Variants in NDUFA12 observed in about 807,000 individuals in gnomAD.
NDUFA12 encodes NADH:ubiquinone oxidoreductase subunit A12.
Under a neutral mutation model 20.3 loss-of-function variants are expected in NDUFA12, and 17 were observed. The observed-to-expected ratio is 0.84, with a 90% CI of 0.57 to 1.26. NDUFA12 has a LOEUF of 1.26. Ranked by LOEUF, NDUFA12 falls within the 50% of genes most tolerant of loss-of-function variation. NDUFA12 has a pLI of 0.00. For missense variants in NDUFA12, 191 were observed against 183.7 expected (o/e 1.04, Z -0.23); for synonymous variants, 72 against 63.6 (o/e 1.13, Z -0.63).
chr12:94,988,139 C>T (rs893886884), intron 3 of NDUFA12, among the ~76,000 whole-genome samples: 13 of 152,252 alleles, frequency 8.5e-5, no homozygotes, highest in African/African-American at 3.1e-4. Flanking sequence ...CTTATGAGGG[C>T]TCCACATCAC....
chr12:94,987,208 A>G (rs1874474521), intron 3 of NDUFA12, among the ~76,000 whole-genome samples: 1 of 152,246 alleles, frequency 6.6e-6, no homozygotes, highest in South Asian at 2.1e-4. Context: ...ACAGAAGCAT[A>G]GCCTGAACCT....
At chr12:94,978,829 AT>A (rs1874143352) in intron 3 of NDUFA12, among the ~76,000 whole-genome samples, 1 of 152,210 alleles carries the variant, frequency 6.6e-6, no homozygotes, top group Non-Finnish European at 1.5e-5. Context: ...TAGTATATTA[AT>A]TTTAAATCCA....
chr12:94,988,103 T>C (rs1274187475), intron 3 of NDUFA12, among the ~76,000 whole-genome samples: 1 of 152,210 alleles, frequency 6.6e-6, no homozygotes, highest in Non-Finnish European at 1.5e-5. Flanking sequence ...GTGTTCAACA[T>C]GAACTGCATC....
At chr12:94,973,968 C>CTTTTTTTTTTTTTT in intron 3 of NDUFA12, among the ~76,000 whole-genome samples, 2 of 100,954 alleles carry the variant, frequency 2.0e-5, no homozygotes, top group Non-Finnish European at 4.0e-5. Flanking sequence ...ACTCTTGGGT[C>CTTTTTTTTTTTTTT]TTTTTTTTTT....
intron 3 of NDUFA12, 110 bp downstream of exon 3, chr12:94,994,060 G>A (rs1874738076): frequency 1.0e-6 from 1 of 957,412 alleles, no homozygotes. Flanking sequence ...GGAGGTCAAA[G>A]CTGACATGAG....
At chr12:94,980,184 C>T (rs1199496961) in intron 3 of NDUFA12, among the ~76,000 whole-genome samples, 1 of 152,038 alleles carries the variant, frequency 6.6e-6, no homozygotes, top group Non-Finnish European at 1.5e-5. Flanking sequence ...TTTGTATATT[C>T]AGCTGTTTAC....
intron 3 of NDUFA12, among the ~76,000 whole-genome samples, chr12:94,990,516 G>T (rs1390653783): frequency 6.6e-6 from 1 of 152,106 alleles, no homozygotes; most frequent in Non-Finnish European, 1.5e-5. Context: ...TCAAACCCCT[G>T]GGCTGAAGGG....
At chr12:94,987,372 ATG>A (rs1309397985) in intron 3 of NDUFA12, among the ~76,000 whole-genome samples, 3 of 152,216 alleles carry the variant, frequency 2.0e-5, no homozygotes, top group African/African-American at 7.2e-5. Flanking sequence ...TCCATATGAA[ATG>A]TGTGATTGGA....
At chr12:94,989,273 A>G (rs554498062) in intron 3 of NDUFA12, among the ~76,000 whole-genome samples, 2 of 152,216 alleles carry the variant, frequency 1.3e-5, no homozygotes, top group South Asian at 4.2e-4. Context: ...GCCTTCCCCT[A>G]TGAAAACAAG....
At chr12:94,996,129 G>C (rs1488107526) in intron 2 of NDUFA12, among the ~76,000 whole-genome samples, 1 of 151,602 alleles carries the variant, frequency 6.6e-6, no homozygotes, top group Non-Finnish European at 1.5e-5. Flanking sequence ...GATCACTTGA[G>C]CACGGGAGGC....
At chr12:94,995,844 A>C (rs1874807510) in intron 2 of NDUFA12, among the ~76,000 whole-genome samples, 1 of 152,198 alleles carries the variant, frequency 6.6e-6, no homozygotes, top group Non-Finnish European at 1.5e-5. Flanking sequence ...GGATTGAAGA[A>C]ATAATGGTTC....
chr12:94,989,526 C>T (rs1436307585), intron 3 of NDUFA12, among the ~76,000 whole-genome samples: 3 of 152,166 alleles, frequency 2.0e-5, no homozygotes, highest in African/African-American at 7.2e-5. Flanking sequence ...GAGAAACAAA[C>T]AGCTAAGCTT....
chr12:95,003,371 C>T (rs1368082473), intron 1 of NDUFA12, among the ~76,000 whole-genome samples: 6 of 152,168 alleles, frequency 3.9e-5, no homozygotes, highest in Non-Finnish European at 8.8e-5. Flanking sequence ...GCCCAGATGC[C>T]CTTGCCTCCG....
chr12:95,003,689 G>C lies in NDUFA12; in HGVS notation c.-9C>G, dbSNP rs200208280. 3.5e-5 allele frequency: 56 copies of C among 1,613,938 alleles called. No homozygotes were observed. Among genetic ancestry groups the C allele is most frequent in the East Asian group, 8.9e-5 (4 of 44,858 alleles). ...ACCTGCACTAACTCCATCTTGCCTCGCTGGCCCCGCCTCCCGGGTGCGCCG... is the reference window on the plus strand; with the variant it reads ...ACCTGCACTAACTCCATCTTGCCTCCCTGGCCCCGCCTCCCGGGTGCGCCG... On this transcript the variant is annotated 5_prime_UTR_variant, in exon 1 of 4. Coordinates refer to ENST00000327772, the MANE Select transcript of NDUFA12 (RefSeq NM_018838.5).
intron 1 of NDUFA12, 122 bp downstream of exon 1, chr12:95,003,473 G>T: frequency 9.6e-7 from 1 of 1,038,786 alleles, no homozygotes; most frequent in Admixed American, 1.8e-5. Flanking sequence ...CAGAGATTGG[G>T]GCGGTTGTCC....
intron 3 of NDUFA12, 120 bp downstream of exon 3, chr12:94,994,050 G>A: frequency 1.2e-6 from 1 of 828,978 alleles, no homozygotes; most frequent in Non-Finnish European, 2.0e-6. Flanking sequence ...CTTGAGCCTG[G>A]GAGGTCAAAG....
At chr12:94,972,349 T>A in intron 3 of NDUFA12, 1 of 358,296 alleles carries the variant, frequency 2.8e-6, no homozygotes, top group Admixed American at 3.1e-5. Flanking sequence ...ATAATATGTA[T>A]CCTAATTTTA....
intron 3 of NDUFA12, among the ~76,000 whole-genome samples, chr12:94,979,573 G>A (rs1355617333): frequency 1.3e-5 from 2 of 152,086 alleles, no homozygotes; most frequent in Non-Finnish European, 2.9e-5. Context: ...GCTTACACCT[G>A]TAATCCCAGC....
intron 2 of NDUFA12, among the ~76,000 whole-genome samples, chr12:95,002,167 C>T (rs1389337606): frequency 3.3e-5 from 5 of 151,430 alleles, no homozygotes; most frequent in Admixed American, 2.0e-4. Context: ...CAAGGCTGGA[C>T]GCAGTGGCTC....
Sources: allele counts gnomAD v4.1 joint callset (sites outside exome capture counted in the v4.1 genomes callset), GRCh38; gene constraint gnomAD v4.1.1; transcripts MANE v1.5; gene names NCBI Gene and HGNC (gene_info 2026-07-23, HGNC 2026-07-21).